FHOD3: variants seen among roughly 807,000 people sequenced by gnomAD.
FHOD3 encodes the protein formin homology 2 domain containing 3.
A neutral mutation model predicts 173.0 loss-of-function variants in FHOD3; 90 were observed. That is an observed-to-expected ratio of 0.52 (90% CI 0.44 to 0.62). FHOD3 has a LOEUF of 0.62. FHOD3 is among the 20% of genes least tolerant of loss of function. The probability of loss-of-function intolerance (pLI) is 0.00; values close to 1 mark genes in which losing one functional copy is unlikely to be tolerated. For synonymous variants in FHOD3, 828 were observed against 823.0 expected (o/e 1.01, Z -0.10); for missense variants, 1,945 against 2,034.7 (o/e 0.96, Z 0.85).
Position 36,355,649 on chromosome 18 carries a change from A to G in FHOD3, c.272+4A>G. ...AAGGCTTCCAGGATGACGCCGGGTA[A>G]GAGCAACTGTTCACCCTGCTGACTG... On this transcript the variant is annotated splice_donor_region_variant and intron_variant, in intron 2 of 28. Transcript: ENST00000590592. 3 of 1,613,434 alleles carry G rather than the reference A, an allele frequency of 1.9e-6. No individual in the cohort carries two copies. Among genetic ancestry groups the G allele is most frequent in the Non-Finnish European group, 2.5e-6 (3 of 1,179,404 alleles).
intron 1 of FHOD3, among the ~76,000 whole-genome samples, chr18:36,331,131 A>G (rs1424998833): frequency 6.6e-6 from 1 of 152,148 alleles, no homozygotes. Context: ...TCTTTTGTAA[A>G]TGGGTGAAAC....
intron 2 of FHOD3, among the ~76,000 whole-genome samples, chr18:36,356,566 C>T (rs990855644): frequency 4.6e-5 from 7 of 151,806 alleles, no homozygotes; most frequent in South Asian, 2.1e-4. Flanking sequence ...GGCGTGATCT[C>T]GGCTCACTGC....
chr18:36,357,492 TA>T (rs1239635306), intron 2 of FHOD3, among the ~76,000 whole-genome samples: 1 of 152,178 alleles, frequency 6.6e-6, no homozygotes, highest in African/African-American at 2.4e-5. Context: ...GCTCTGAGGA[TA>T]CCCTTCTTGT....
chr18:36,366,932 G>C (rs565413322), intron 2 of FHOD3, among the ~76,000 whole-genome samples: 1 of 152,166 alleles, frequency 6.6e-6, no homozygotes, highest in Non-Finnish European at 1.5e-5. Flanking sequence ...GGAGTACTTG[G>C]GAGCATTGAT....
intron 1 of FHOD3, among the ~76,000 whole-genome samples, chr18:36,318,733 G>A (rs954477500): frequency 6.6e-6 from 1 of 152,208 alleles, no homozygotes; most frequent in East Asian, 1.9e-4. Flanking sequence ...TTGCCTGATT[G>A]CCCTGGCCAG....
chr18:36,343,635 C>T (rs1314548296), intron 1 of FHOD3, among the ~76,000 whole-genome samples: 1 of 116,990 alleles, frequency 8.5e-6, no homozygotes, highest in Non-Finnish European at 2.2e-5. Context: ...ACCTCCTTTG[C>T]CTCCTCTCTA....
intron 14 of FHOD3, among the ~76,000 whole-genome samples, chr18:36,662,125 C>T (rs1030824726): frequency 6.6e-6 from 1 of 152,222 alleles, no homozygotes; most frequent in East Asian, 1.9e-4. Context: ...ACCTCAAGCG[C>T]ATATGTGGTT....
intron 4 of FHOD3, among the ~76,000 whole-genome samples, chr18:36,505,430 A>G (rs2055254171): frequency 6.6e-6 from 1 of 152,204 alleles, no homozygotes; most frequent in Non-Finnish European, 1.5e-5. Context: ...TTACTGAAAA[A>G]TAGGAAAACA....
In FHOD3 at chr18:36,743,109, G is replaced by GA. The variant is rs71168240; in HGVS notation, c.3879+253_3879+254insA. On this transcript the variant is annotated intron_variant, in intron 22 of 28. Coordinates refer to ENST00000590592, the MANE Select transcript of FHOD3 (RefSeq NM_001281740.3). ...GTGGATCACGAGGTCAGGAGATCGA[G>GA]CCATCCTGGCTAACACGGTGAAACC... Among the ~76,000 whole-genome samples, 152,273 of 152,286 alleles carry GA rather than the reference G, an allele frequency of 1. 76,130 individuals are homozygous for GA. The highest frequency in any genetic ancestry group is 1 in the Non-Finnish European group (68,030 of 68,030).
At chr18:36,543,796 G>A (rs2057314939) in intron 5 of FHOD3, among the ~76,000 whole-genome samples, 2 of 152,216 alleles carry the variant, frequency 1.3e-5, no homozygotes, top group Non-Finnish European at 2.9e-5. Context: ...TACTGCCAGT[G>A]CCAGTGCTGG....
intron 13 of FHOD3, 57 bp from the exon 14 acceptor site, chr18:36,658,018 G>T (rs2036535080): frequency 1.6e-6 from 2 of 1,288,866 alleles, no homozygotes; most frequent in South Asian, 2.4e-5. Flanking sequence ...CTTATTTACT[G>T]ACTTGTACTT....
intron 14 of FHOD3, among the ~76,000 whole-genome samples, chr18:36,679,807 C>A (rs2038117236): frequency 6.6e-6 from 1 of 152,042 alleles, no homozygotes; most frequent in South Asian, 2.1e-4. Flanking sequence ...AATTGATGGT[C>A]AATTTTTGAG....
chr18:36,401,104 C>T (rs980260634), intron 3 of FHOD3, among the ~76,000 whole-genome samples: 4 of 152,100 alleles, frequency 2.6e-5, no homozygotes, highest in East Asian at 1.9e-4. Context: ...TGATGCATGG[C>T]GTGCTGTGGT....
chr18:36,496,596 T>C (rs1037289811), intron 3 of FHOD3, among the ~76,000 whole-genome samples: 13 of 152,326 alleles, frequency 8.5e-5, no homozygotes, highest in South Asian at 4.1e-4. Context: ...GTATTGTTCT[T>C]TGTAGAGAGA....
rs561267047 is a variant in FHOD3 at position 36,632,679 on chromosome 18, G to A, written c.1196+6930G>A. ...TCCTCTTTTTAACTGCAGCCTCTGC[G>A]TTGTCCTGGGAAAATGCTATGCTCT... On this transcript the variant is annotated intron_variant, in intron 10 of 28. Transcript: ENST00000590592. Among the ~76,000 whole-genome samples the A allele has an allele frequency of 2.0e-4, 30 of 152,202 alleles. 1 individual carries two copies. The South Asian group carries it at 3.9e-3, about 20-fold the overall frequency.
intron 5 of FHOD3, among the ~76,000 whole-genome samples, chr18:36,546,465 A>C (rs569606275): frequency 6.6e-6 from 1 of 152,350 alleles, no homozygotes; most frequent in East Asian, 1.9e-4. Flanking sequence ...TAGTGTAATC[A>C]ACAGAAAATG....
At chr18:36,483,450 C>G (rs1450102408) in intron 3 of FHOD3, among the ~76,000 whole-genome samples, 1 of 152,198 alleles carries the variant, frequency 6.6e-6, no homozygotes, top group African/African-American at 2.4e-5. Context: ...TTTACTCTTG[C>G]TAGCCCAGTA....
At chr18:36,484,930 C>T (rs1378254666) in intron 3 of FHOD3, among the ~76,000 whole-genome samples, 2 of 152,178 alleles carry the variant, frequency 1.3e-5, no homozygotes, top group Admixed American at 6.5e-5. Context: ...GTGCCCCCCA[C>T]CCTCAGGGTT....
chr18:36,581,470 C>T (rs540109757), intron 6 of FHOD3, among the ~76,000 whole-genome samples: 143 of 152,338 alleles, frequency 9.4e-4, no homozygotes, highest in Middle Eastern at 3.4e-3. Flanking sequence ...GGAAGCTTCC[C>T]TGTCTGCATT....
Sources: gnomAD v4.1 joint callset for allele counts (sites outside exome capture counted in the v4.1 genomes callset) on GRCh38, gnomAD v4.1.1 for gene constraint, MANE v1.5 for transcripts, NCBI Gene and HGNC (gene_info 2026-07-23, HGNC 2026-07-21) for gene names.